The following FAM193A variants were observed in gnomAD, a reference collection of about 807,000 sequenced individuals.
FAM193A encodes the protein family with sequence similarity 193 member A.
A neutral mutation model predicts 126.5 loss-of-function variants in FAM193A; 22 were observed. That is an observed-to-expected ratio of 0.17 (90% confidence interval 0.12 to 0.25). The LOEUF is 0.25. FAM193A is among the 10% of genes least tolerant of loss of function. The pLI, the probability that FAM193A is intolerant of heterozygous loss-of-function variation, is 1.00. For missense variants in FAM193A, 1,675 were observed against 1,672.8 expected (o/e 1.00, Z -0.02); for synonymous variants, 761 against 646.8 (o/e 1.18, Z -2.68).
chr4:2,660,945 T>C (rs1476249460), intron 10 of FAM193A, among the ~76,000 whole-genome samples: 1 of 152,228 alleles, frequency 6.6e-6, no homozygotes, highest in Non-Finnish European at 1.5e-5. Context: ...CACTGTGTAC[T>C]CTCCAGGGCA....
rs1342090828 is a variant in FAM193A at position 2,550,769 on chromosome 4, A to ATTTT, written c.255+13601_255+13604dup. On this transcript the variant is annotated intron_variant, in intron 1 of 20. Coordinates refer to ENST00000637812, the MANE Select transcript of FAM193A (RefSeq NM_001366318.2). Reference sequence around the variant, plus strand: ...TTTTGTTTTTGTTTTTTCAATTTATATTTTTATTTATTTATTTATTTATTT... The same window carrying ATTTT: ...TTTTGTTTTTGTTTTTTCAATTTATATTTTTTTTTATTTATTTATTTATTTATTT... Among the ~76,000 whole-genome samples the ATTTT allele has an allele frequency of 2.3e-4, 32 of 139,524 alleles. No individual in the cohort carries two copies. In the East Asian group the frequency reaches 4.3e-3, roughly 19 times the overall value. The allele number at this position is 139,524 out of a possible 152,430, so 91.5% of individuals were successfully genotyped here.
Position 2,700,295 on chromosome 4 carries a change from G to T in FAM193A, c.4123G>T (p.Ala1375Ser). The change falls in exon 19 of 21, where the codon GCT (alanine) becomes TCT (serine). Residue 1375 changes from alanine (A) to serine (S), a missense_variant. Ala to Ser is a moderately conservative substitution (Grantham distance 99). This residue lies in a region of FAM193A where 415 missense variants were observed against 396.7 expected (regional missense o/e 1.05). Transcript: ENST00000637812. ...SKPRAQTESK[A>S]KVVDLMSITE... ...GCCCCGGGCCCAGACTGAGTCAAAGGCTAAGGTGGTCGACCTCATGTCCAT... is the reference window on the plus strand; with the variant it reads ...GCCCCGGGCCCAGACTGAGTCAAAGTCTAAGGTGGTCGACCTCATGTCCAT... 6.2e-7 allele frequency: 1 copy of T among 1,614,064 alleles called. No homozygotes were observed. Among genetic ancestry groups the T allele is most frequent in the African/African-American group, 1.3e-5 (1 of 75,040 alleles).
At chr4:2,676,881 C>T (rs1714470750) in intron 13 of FAM193A, among the ~76,000 whole-genome samples, 1 of 151,904 alleles carries the variant, frequency 6.6e-6, no homozygotes, top group African/African-American at 2.4e-5. Context: ...GTGGAGCTTG[C>T]AGTGAGCCGA....
At position 2,678,688 on chromosome 4, in the gene FAM193A, G is replaced by A. The variant is rs138702388; in HGVS notation, c.2331+6316G>A. Among the ~76,000 whole-genome samples, 429 of 152,252 alleles carry A rather than the reference G, an allele frequency of 2.8e-3. 1 individual carries two copies. The highest frequency in any genetic ancestry group is 7.8e-3 in the African/African-American group (322 of 41,526). On this transcript the variant is annotated intron_variant, in intron 13 of 20. Coordinates refer to ENST00000637812, the MANE Select transcript of FAM193A (RefSeq NM_001366318.2). ...CTAAATTATTATTTTTGATGCTGTCGTGAATGGAATTGTTTTCATAATTTC... is the reference window on the plus strand; with the variant it reads ...CTAAATTATTATTTTTGATGCTGTCATGAATGGAATTGTTTTCATAATTTC...
rs1745187617 is a variant in FAM193A, at chr4:2,646,775, A to G, written c.1254A>G (p.Arg418=). The G allele has an allele frequency of 1.9e-6, 3 of 1,614,116 alleles. No homozygotes were observed. The highest frequency in any genetic ancestry group is 2.5e-6 in the Non-Finnish European group (3 of 1,179,990). The change falls in exon 7 of 21, where the codon AGA becomes AGG. Residue 418 remains arginine (R), a synonymous_variant. Coordinates refer to ENST00000637812, the MANE Select transcript of FAM193A (RefSeq NM_001366318.2). The part of the protein sequence containing the change: ...RYQRSEEELR[R]VAEEWLECQK... ...AGCGTTCCGAGGAGGAGCTGCGCAG[A>G]GTCGCCGAGGAGTGGCTGGAGTGCC...
At chr4:2,582,498 A>G (rs560625186) in intron 1 of FAM193A, among the ~76,000 whole-genome samples, 2 of 151,800 alleles carry the variant, frequency 1.3e-5, no homozygotes, top group Non-Finnish European at 2.9e-5. Context: ...TTATTTTCAT[A>G]GTCTTAGTTG....
chr4:2,703,212 C>A (rs1441259630), intron 19 of FAM193A, among the ~76,000 whole-genome samples: 1 of 152,062 alleles, frequency 6.6e-6, no homozygotes, highest in Admixed American at 6.6e-5. Context: ...CTTCTTTGTG[C>A]GAGCGTTTAG....
chr4:2,679,631 G>T (rs577932433), intron 13 of FAM193A, among the ~76,000 whole-genome samples: 1 of 152,062 alleles, frequency 6.6e-6, no homozygotes, highest in Non-Finnish European at 1.5e-5. Flanking sequence ...ACCCGCCTCG[G>T]TCTCCCAAAG....
chr4:2,548,640 A>G (rs1320820083), intron 1 of FAM193A, among the ~76,000 whole-genome samples: 1 of 151,738 alleles, frequency 6.6e-6, no homozygotes, highest in African/African-American at 2.4e-5. Flanking sequence ...TATTTTTAGT[A>G]GAGATGGGGT....
intron 19 of FAM193A, chr4:2,715,574 A>T: frequency 1.1e-6 from 1 of 948,572 alleles, no homozygotes; most frequent in African/African-American, 1.8e-5. Context: ...CATTCGAGGG[A>T]CAGCCCTTTC....
chr4:2,624,099 GGTTGT>G (rs1285351193), intron 2 of FAM193A, among the ~76,000 whole-genome samples: 4 of 152,250 alleles, frequency 2.6e-5, no homozygotes, highest in Non-Finnish European at 4.4e-5. Flanking sequence ...AGGAACCTAG[GGTTGT>G]GTTGTGTTCT....
At chr4:2,659,743 G>C in intron 9 of FAM193A, 69 bp from the exon 10 acceptor site, 1 of 1,613,040 alleles carries the variant, frequency 6.2e-7, no homozygotes, top group South Asian at 1.1e-5. Context: ...GCCTAGAACC[G>C]ACCCTTAGAG....
At chr4:2,676,027 C>T (rs1714365567) in intron 13 of FAM193A, among the ~76,000 whole-genome samples, 1 of 152,186 alleles carries the variant, frequency 6.6e-6, no homozygotes, top group Admixed American at 6.5e-5. Context: ...TTTGTGTCTC[C>T]ATCAGTGAAC....
rs1716999918 is a variant in FAM193A, at chr4:2,696,057, A to AAATAAAT, written c.3277-306_3277-305insAATAAAT. 5.3e-5 allele frequency among the ~76,000 whole-genome samples: 6 copies of AAATAAAT among 112,294 alleles called. No individual in the cohort carries two copies. The Admixed American group carries it at 6.5e-4, about 12-fold the overall frequency. 73.7% of individuals were successfully genotyped at this position (112,294 alleles called of 152,430 possible). A position where few individuals can be genotyped will look rare whatever the true frequency, so the allele number is the denominator to read the frequency against. ...ATAAATAAATAAATAAATAAATAAAATACATTAATCAGGATTTGTAATTGT... is the reference window on the plus strand; with the variant it reads ...ATAAATAAATAAATAAATAAATAAAAAATAAATTACATTAATCAGGATTTGTAATTGT... On this transcript the variant is annotated intron_variant, in intron 17 of 20. Transcript: ENST00000637812.
At chr4:2,682,965 C>T (rs534343238) in intron 13 of FAM193A, among the ~76,000 whole-genome samples, 10 of 152,278 alleles carry the variant, frequency 6.6e-5, no homozygotes, top group Non-Finnish European at 1.3e-4. Flanking sequence ...TGTAGATCCA[C>T]GTTTCTGACC....
At chr4:2,698,853 CTCTGTCACA>C (rs1310451466) in intron 18 of FAM193A, among the ~76,000 whole-genome samples, 5 of 152,178 alleles carry the variant, frequency 3.3e-5, no homozygotes, top group Admixed American at 2.0e-4. Flanking sequence ...GAGTCATTTG[CTCTGTCACA>C]TCTGTCACAC....
At chr4:2,554,611 T>C (rs751275950) in intron 1 of FAM193A, among the ~76,000 whole-genome samples, 78 of 152,194 alleles carry the variant, frequency 5.1e-4, no homozygotes, top group Non-Finnish European at 8.4e-4. Context: ...ATGGTTTTGT[T>C]CGCTTCTGTA....
intron 5 of FAM193A, among the ~76,000 whole-genome samples, chr4:2,637,201 C>T (rs534548653): frequency 6.6e-6 from 1 of 152,224 alleles, no homozygotes; most frequent in Admixed American, 6.5e-5. Context: ...ATAGTGTACA[C>T]CTGTAGTCCC....
intron 5 of FAM193A, among the ~76,000 whole-genome samples, chr4:2,631,816 A>G (rs1743619152): frequency 6.6e-6 from 1 of 152,180 alleles, no homozygotes; most frequent in African/African-American, 2.4e-5. Flanking sequence ...GTATAGAAAT[A>G]TGGTTACAAG....
Sources: gnomAD v4.1 joint callset for allele counts (sites outside exome capture counted in the v4.1 genomes callset) on GRCh38, gnomAD v4.1.1 for gene constraint, gnomAD v4.1.1 regional missense constraint, MANE v1.5 for transcripts, NCBI Gene and HGNC (gene_info 2026-07-23, HGNC 2026-07-21) for gene names.